Variants in MSH3 observed in about 807,000 individuals in gnomAD.
MSH3 encodes DNA mismatch repair protein Msh3.
A neutral mutation model predicts 123.3 loss-of-function variants in MSH3; 106 were observed. That is an observed-to-expected ratio of 0.86 (90% CI 0.73 to 1.01). The LOEUF (loss-of-function observed/expected upper bound fraction) is 1.01, where lower values mean the gene tolerates loss of function less well. Ranked by LOEUF, MSH3 falls within the 50% of genes least tolerant of loss-of-function variation. The pLI is 0.00. For missense variants in MSH3, 1,459 were observed against 1,347.6 expected, an observed-to-expected ratio of 1.08 and a Z score of -1.29; for synonymous variants, 515 against 481.4, an observed-to-expected ratio of 1.07 and a Z score of -0.91.
chr5:80,775,880 TC>T (rs1744290622), intron 16 of MSH3, 122 bp downstream of exon 16: 1 of 676,336 alleles, frequency 1.5e-6, no homozygotes, highest in African/African-American at 1.8e-5. Context: ...ACTTATTTTT[TC>T]TGATGGAACT....
chr5:80,794,986 G>A (rs1023307304), intron 19 of MSH3, among the ~76,000 whole-genome samples: 2 of 152,188 alleles, frequency 1.3e-5, no homozygotes, highest in Admixed American at 6.5e-5. Context: ...TCATTTTAGT[G>A]TATGAAGGAA....
intron 13 of MSH3, 138 bp from the exon 14 acceptor site, chr5:80,767,795 G>A (rs1321448154): frequency 1.2e-5 from 8 of 656,174 alleles, no homozygotes; most frequent in Admixed American, 2.6e-5. Flanking sequence ...GAAAATATCA[G>A]TGATATTTTA....
At position 80,876,052 on chromosome 5, in the gene MSH3, T is replaced by G. The variant is rs371112264; in HGVS notation, c.*190T>G. On this transcript the variant is annotated 3_prime_UTR_variant, in exon 24 of 24. Transcript: ENST00000265081. ...CAAGTTTCTGTCTTCCTAACTTTTC[T>G]ACGTATAAACACTCTTGAATAGACT... is the stretch of plus-strand genomic sequence containing the variant. The G allele has an allele frequency of 1.7e-4, 100 of 595,852 alleles. No homozygotes were observed. The highest frequency in any genetic ancestry group is 1.6e-3 in the African/African-American group (86 of 53,920). The allele number at this position is 595,852 out of a possible 1,614,324, so 36.9% of individuals were successfully genotyped here. A position where few individuals can be genotyped will look rare whatever the true frequency, so the allele number is the denominator to read the frequency against.
intron 3 of MSH3, among the ~76,000 whole-genome samples, chr5:80,668,530 G>T (rs2081853): frequency 0.46 from 70,569 of 152,016 alleles, 16,598 homozygotes; most frequent in East Asian, 0.61. Flanking sequence ...GCAGCAGGGG[G>T]CTGGCATGTT....
Position 80,864,936 on chromosome 5 carries a change from G to GATATGAAAT in MSH3, c.3126_3127insATGAAATAT (p.Asp1042_Pro1043insMetLysTyr). On this transcript the variant is annotated inframe_insertion, in exon 22 of 24. Coordinates refer to ENST00000265081, the MANE Select transcript of MSH3 (RefSeq NM_002439.5). ...GGTCAGTGAGGATGAAAGCAAACTG[G>GATATGAAAT]ATCCAGGTATGAAATATTCCTGCAG... 1 of 1,613,898 alleles carries GATATGAAAT rather than the reference G, an allele frequency of 6.2e-7. No individual in the cohort carries two copies. Among genetic ancestry groups the GATATGAAAT allele is most frequent in the Non-Finnish European group, 8.5e-7 (1 of 1,179,832 alleles).
chr5:80,677,060 T>C (rs1169994228), intron 7 of MSH3, among the ~76,000 whole-genome samples: 1 of 152,164 alleles, frequency 6.6e-6, no homozygotes, highest in East Asian at 1.9e-4. Context: ...GGCTCCTGCA[T>C]CCAAATTTTT....
At chr5:80,711,525 G>T (rs1750859153) in intron 8 of MSH3, among the ~76,000 whole-genome samples, 1 of 152,122 alleles carries the variant, frequency 6.6e-6, no homozygotes, top group Non-Finnish European at 1.5e-5. Context: ...TCCTCACCTT[G>T]GTTCACTGTT....
intron 8 of MSH3, among the ~76,000 whole-genome samples, chr5:80,705,458 G>A (rs1167863173): frequency 2.6e-5 from 4 of 152,152 alleles, no homozygotes; most frequent in African/African-American, 7.2e-5. Context: ...ATTTGCACTC[G>A]TAATTGGCAA....
intron 2 of MSH3, among the ~76,000 whole-genome samples, chr5:80,658,037 C>CTTTTTTTTTTTTTTTTTTTTTT (rs397942439): frequency 8.6e-5 from 10 of 116,618 alleles, no homozygotes; most frequent in African/African-American, 3.4e-4. Context: ...TTTTTGCCCT[C>CTTTTTTTTTTTTTTTTTTTTTT]TTTTTTTTTT....
At chr5:80,697,893 T>A (rs1486961081) in intron 8 of MSH3, among the ~76,000 whole-genome samples, 1 of 152,208 alleles carries the variant, frequency 6.6e-6, no homozygotes, top group African/African-American at 2.4e-5. Flanking sequence ...TTGATTTTTT[T>A]ATATCAAACA....
intron 8 of MSH3, among the ~76,000 whole-genome samples, chr5:80,680,841 A>G (rs1341651929): frequency 6.6e-6 from 1 of 152,152 alleles, no homozygotes; most frequent in African/African-American, 2.4e-5. Context: ...TAAGTACATG[A>G]CATTGTCATA....
At chr5:80,662,547 C>T (rs1650680) in intron 2 of MSH3, among the ~76,000 whole-genome samples, 41,076 of 151,856 alleles carry the variant, frequency 0.27, 5,763 homozygotes, top group Middle Eastern at 0.35. Context: ...TTATTTGGGG[C>T]GGGGCACGGT....
At chr5:80,663,489 CTTTTTTT>C (rs76012334) in intron 2 of MSH3, among the ~76,000 whole-genome samples, 5 of 145,566 alleles carry the variant, frequency 3.4e-5, no homozygotes, top group Admixed American at 6.9e-5. Context: ...TTTCACAATA[CTTTTTTT>C]TTTTTTCCCA....
At chr5:80,856,264 T>G (rs141899525) in intron 21 of MSH3, among the ~76,000 whole-genome samples, 2 of 152,036 alleles carry the variant, frequency 1.3e-5, no homozygotes, top group African/African-American at 2.4e-5. Context: ...TTAGATTACA[T>G]AGGTAATTAT....
chr5:80,778,979 T>C (rs1384953584), intron 17 of MSH3, 143 bp downstream of exon 17: 2 of 566,146 alleles, frequency 3.5e-6, no homozygotes, highest in Non-Finnish European at 6.2e-6. Flanking sequence ...TGATTTTATT[T>C]CTTTTTTTTT....
intron 12 of MSH3, chr5:80,746,816 C>T (rs1743729252): frequency 2.9e-6 from 1 of 339,118 alleles, no homozygotes; most frequent in Non-Finnish European, 5.9e-6. Flanking sequence ...TAATTGACGG[C>T]ATGGTGTTTG....
chr5:80,655,127 T>C (rs1236506020), intron 1 of MSH3, 163 bp downstream of exon 1: 4 of 516,188 alleles, frequency 7.7e-6, no homozygotes, highest in Non-Finnish European at 1.3e-5. Flanking sequence ...GGGCTACAAA[T>C]TGGGTGAAGC....
intron 16 of MSH3, among the ~76,000 whole-genome samples, chr5:80,776,968 G>A (rs531960070): frequency 1.2e-3 from 167 of 135,830 alleles, no homozygotes; most frequent in African/African-American, 4.5e-3. Context: ...GTCTCTTTTC[G>A]TCAGCCAGGC....
At chr5:80,817,137 T>C (rs771020462) in intron 20 of MSH3, among the ~76,000 whole-genome samples, 4 of 152,084 alleles carry the variant, frequency 2.6e-5, no homozygotes, top group Non-Finnish European at 5.9e-5. Flanking sequence ...AAGTTAAGGT[T>C]GAAAACCAAC....
Sources: allele counts gnomAD v4.1 joint callset (sites outside exome capture counted in the v4.1 genomes callset), GRCh38; gene constraint gnomAD v4.1.1; transcripts MANE v1.5; gene names NCBI Gene and HGNC (gene_info 2026-07-23, HGNC 2026-07-21).